ANKS1B: variants seen among roughly 807,000 people sequenced by gnomAD.
The protein encoded by ANKS1B is ankyrin repeat and sterile alpha motif domain containing 1B, also known as ankyrin repeat and sterile alpha motif domain-containing protein 1B.
In ANKS1B, 36 loss-of-function variants were observed where a neutral mutation model predicts 148.3. That is an observed-to-expected ratio of 0.24 (90% CI 0.19 to 0.32). The LOEUF (loss-of-function observed/expected upper bound fraction) is 0.32, where lower values mean the gene tolerates loss of function less well. Among genes scored for constraint, ANKS1B ranks in the 10% least tolerant of loss-of-function variants. The probability of loss-of-function intolerance (pLI) is 1.00; values close to 1 mark genes in which losing one functional copy is unlikely to be tolerated. For synonymous variants in ANKS1B, 542 were observed against 560.8 expected, an observed-to-expected ratio of 0.97 and a Z score of 0.47; for missense variants, 1,157 against 1,542.6, an observed-to-expected ratio of 0.75 and a Z score of 4.19.
intron 3 of ANKS1B, among the ~76,000 whole-genome samples, chr12:99,810,234 G>T (rs1004886651): frequency 1.3e-5 from 2 of 151,920 alleles, no homozygotes; most frequent in African/African-American, 4.8e-5. Context: ...CAATTCAGAG[G>T]ATTATTGTGA....
At chr12:99,220,801 A>G (rs2085001099) in intron 14 of ANKS1B, among the ~76,000 whole-genome samples, 1 of 152,178 alleles carries the variant, frequency 6.6e-6, no homozygotes, top group Admixed American at 6.5e-5. Context: ...TTCATTCAAT[A>G]ATACAGGAAC....
At chr12:99,307,872 G>T (rs866998328) in intron 12 of ANKS1B, among the ~76,000 whole-genome samples, 1 of 152,028 alleles carries the variant, frequency 6.6e-6, no homozygotes, top group African/African-American at 2.4e-5. Flanking sequence ...CTTGCTGGAG[G>T]TCACACAGCC....
chr12:98,932,480 C>T (rs56348788), intron 17 of ANKS1B, among the ~76,000 whole-genome samples: 2,476 of 152,180 alleles, frequency 0.016, 66 homozygotes, highest in African/African-American at 0.057. Context: ...TGGCAAGCGG[C>T]GAAGACCAAA....
At chr12:99,697,303 T>C (rs967993947) in intron 8 of ANKS1B, among the ~76,000 whole-genome samples, 9 of 152,184 alleles carry the variant, frequency 5.9e-5, no homozygotes, top group Non-Finnish European at 1.0e-4. Flanking sequence ...AGCAGCTTTA[T>C]TCATAATTAC....
At chr12:98,950,440 T>C (rs947517083) in intron 17 of ANKS1B, among the ~76,000 whole-genome samples, 1 of 152,134 alleles carries the variant, frequency 6.6e-6, no homozygotes, top group South Asian at 2.1e-4. Flanking sequence ...GATGTTGCAG[T>C]GAGTTGAGAT....
intron 15 of ANKS1B, among the ~76,000 whole-genome samples, chr12:99,146,182 G>A (rs1008565323): frequency 5.9e-5 from 9 of 152,036 alleles, no homozygotes; most frequent in Non-Finnish European, 1.3e-4. Flanking sequence ...CCTGTGGTAG[G>A]CTTTAGGACT....
chr12:99,455,440 A>G (rs138242031), intron 10 of ANKS1B, among the ~76,000 whole-genome samples: 51 of 152,160 alleles, frequency 3.4e-4, no homozygotes, highest in African/African-American at 1.2e-3. Context: ...AAAACCACAG[A>G]CCCTTTGAAG....
chr12:99,892,197 G>A (rs932291537), intron 1 of ANKS1B, among the ~76,000 whole-genome samples: 2 of 152,030 alleles, frequency 1.3e-5, no homozygotes, highest in Non-Finnish European at 2.9e-5. Flanking sequence ...TAGAGACGGG[G>A]TTTCACCGTG....
At chr12:99,377,143 G>C (rs1364852214) in intron 12 of ANKS1B, among the ~76,000 whole-genome samples, 1 of 151,928 alleles carries the variant, frequency 6.6e-6, no homozygotes, top group Non-Finnish European at 1.5e-5. Context: ...AAGTAGCTGG[G>C]ACTACAGTCG....
At chr12:99,120,180 C>T (rs2062409086) in intron 15 of ANKS1B, among the ~76,000 whole-genome samples, 1 of 152,192 alleles carries the variant, frequency 6.6e-6, no homozygotes, top group Non-Finnish European at 1.5e-5. Flanking sequence ...ATTCACCTAG[C>T]ATTAAGCACA....
chr12:99,267,816 G>C (rs1464676524), intron 12 of ANKS1B, among the ~76,000 whole-genome samples: 1 of 152,198 alleles, frequency 6.6e-6, no homozygotes, highest in Non-Finnish European at 1.5e-5. Context: ...GCAGAAATGA[G>C]TGAGGTGCAT....
intron 4 of ANKS1B, among the ~76,000 whole-genome samples, chr12:99,792,824 T>C (rs972146525): frequency 6.6e-6 from 1 of 151,874 alleles, no homozygotes; most frequent in African/African-American, 2.4e-5. Flanking sequence ...TTACTCAAAA[T>C]AGAACTGGAA....
intron 1 of ANKS1B, among the ~76,000 whole-genome samples, chr12:99,885,299 C>T (rs1355610357): frequency 6.7e-6 from 1 of 148,998 alleles, no homozygotes; most frequent in East Asian, 2.0e-4. Flanking sequence ...TTTCATAACA[C>T]TTCTCATGTC....
At chr12:99,710,232 T>C (rs755892847) in intron 8 of ANKS1B, among the ~76,000 whole-genome samples, 10 of 152,166 alleles carry the variant, frequency 6.6e-5, no homozygotes, top group Non-Finnish European at 1.3e-4. Flanking sequence ...AGAATTCCTC[T>C]TGACTTTAAA....
At chr12:98,963,470 G>T (rs962794900) in intron 17 of ANKS1B, among the ~76,000 whole-genome samples, 7 of 151,958 alleles carry the variant, frequency 4.6e-5, no homozygotes, top group African/African-American at 1.7e-4. Context: ...GAGCTACTGT[G>T]CCCGGCCAAA....
intron 9 of ANKS1B, among the ~76,000 whole-genome samples, chr12:99,539,058 A>G (rs1250475740): frequency 6.6e-6 from 1 of 152,122 alleles, no homozygotes; most frequent in Non-Finnish European, 1.5e-5. Context: ...TGTACGTTGA[A>G]TCATCCTTGC....
rs1014679404 is a variant in ANKS1B at position 98,894,822 on chromosome 12, G to A, written c.2779-62686C>T. 5.1e-6 allele frequency: 5 copies of A among 982,954 alleles called. No homozygotes were observed. In the South Asian group the frequency reaches 1.4e-4, roughly 28 times the overall value. 60.9% of individuals were successfully genotyped at this position (982,954 alleles called of 1,614,324 possible). On this transcript the variant is annotated intron_variant, in intron 17 of 26. Coordinates refer to ENST00000683438, the MANE Select transcript of ANKS1B (RefSeq NM_001352186.2). ...CGAGGAAGGGCGGGAGAGGCGCGGA[G>A]CTTGGCCGCGCCGCGCTGCGCCGAG...
intron 14 of ANKS1B, among the ~76,000 whole-genome samples, chr12:99,165,464 T>TA (rs1453854932): frequency 6.6e-6 from 1 of 151,714 alleles, no homozygotes; most frequent in Non-Finnish European, 1.5e-5. Context: ...TTTATGGATA[T>TA]AAAAAGAATA....
At chr12:99,487,512 G>T (rs1330652873) in intron 10 of ANKS1B, among the ~76,000 whole-genome samples, 1 of 152,002 alleles carries the variant, frequency 6.6e-6, no homozygotes, top group Non-Finnish European at 1.5e-5. Flanking sequence ...GGCAAAATGT[G>T]AGACTTGATT....
Sources: allele counts gnomAD v4.1 joint callset (sites outside exome capture counted in the v4.1 genomes callset), GRCh38; gene constraint gnomAD v4.1.1; transcripts MANE v1.5; gene names NCBI Gene and HGNC (gene_info 2026-07-23, HGNC 2026-07-21).